The following THAP5 variants were observed in gnomAD, a reference collection of about 807,000 sequenced individuals.
The protein encoded by THAP5 is THAP domain-containing protein 5.
Under a neutral mutation model 34.0 loss-of-function variants are expected in THAP5, and 26 were observed. The observed-to-expected ratio is 0.77, with a 90% CI of 0.56 to 1.06. The LOEUF is 1.06. THAP5 is among the 50% of genes least tolerant of loss of function. The pLI, the probability that THAP5 is intolerant of heterozygous loss-of-function variation, is 0.00. For synonymous variants in THAP5, 125 were observed against 153.0 expected (o/e 0.82, Z 1.35); for missense variants, 394 against 452.8 (o/e 0.87, Z 1.18).
At position 108,563,953 on chromosome 7, in the gene THAP5, A is replaced by G. The variant is rs919097068; in HGVS notation, c.*238T>C. On this transcript the variant is annotated 3_prime_UTR_variant, in exon 3 of 3. Transcript: ENST00000415914. ...TCTCATGTTATAACTGAATCCTTCT[A>G]TGTGCTAAATTTTAATTTGGAAAAT... The G allele has an allele frequency of 2.8e-5, 10 of 352,500 alleles. No individual in the cohort carries two copies. Among genetic ancestry groups the G allele is most frequent in the Non-Finnish European group, 4.1e-5 (8 of 195,862 alleles). 21.8% of individuals were successfully genotyped at this position (352,500 alleles called of 1,614,324 possible). A position where few individuals can be genotyped will look rare whatever the true frequency, so the allele number is the denominator to read the frequency against.
At chr7:108,569,130 A>C (rs1790553287) in intron 1 of THAP5, 1 of 1,083,084 alleles carries the variant, frequency 9.2e-7, no homozygotes, top group Non-Finnish European at 1.1e-6. Context: ...CTTTGCGTGC[A>C]CCTTTCCACT....
chr7:108,557,889 A>G (rs899328649), downstream of THAP5, among the ~76,000 whole-genome samples: 16 of 152,198 alleles, frequency 1.1e-4, no homozygotes, highest in Non-Finnish European at 2.2e-4. Flanking sequence ...ATTTCTGAAG[A>G]AAAGAGGTTT....
At chr7:108,560,135 G>A (rs1287745982), downstream of THAP5, among the ~76,000 whole-genome samples, 1 of 152,156 alleles carries the variant, frequency 6.6e-6, no homozygotes, top group African/African-American at 2.4e-5. Context: ...GTCTTGTACA[G>A]TACTGCCTGG....
downstream of THAP5, among the ~76,000 whole-genome samples, chr7:108,559,981 C>T (rs1358774256): frequency 6.6e-6 from 1 of 152,184 alleles, no homozygotes; most frequent in Non-Finnish European, 1.5e-5. Context: ...TTTATTAAAA[C>T]TTTAAATATT....
rs1790443476 is a variant in THAP5, at chr7:108,564,639, GCTGA to G, written c.736_739del (p.Ser246HisfsTer18). 1 of 1,613,872 alleles carries G rather than the reference GCTGA, an allele frequency of 6.2e-7. No homozygotes were observed. Among genetic ancestry groups the G allele is most frequent in the South Asian group, 1.1e-5 (1 of 91,086 alleles). The stretch of plus-strand genomic sequence containing the variant: ...GCTGAATAAGAATGGATTTTCCTGT[GCTGA>G]CTTTATTTCCATGGAATTACTTGTA... On this transcript the variant is annotated frameshift_variant, in exon 3 of 3. Coordinates refer to ENST00000415914, the MANE Select transcript of THAP5 (RefSeq NM_001130475.3). LOFTEE classifies it high-confidence loss of function.
At chr7:108,548,314 T>G in the THAP5 span, among the ~76,000 whole-genome samples, 1 of 152,170 alleles carries the variant, frequency 6.6e-6, no homozygotes, top group African/African-American at 2.4e-5. Context: ...AGCTCTGACT[T>G]TGTACTAGGA....
the THAP5 span, among the ~76,000 whole-genome samples, chr7:108,545,766 C>A: frequency 6.6e-6 from 1 of 152,012 alleles, no homozygotes; most frequent in African/African-American, 2.4e-5. Flanking sequence ...CTATATATTG[C>A]AATTAAAAAT....
Position 108,569,644 on chromosome 7 carries a change from A to G in THAP5, c.-75T>C. The G allele has an allele frequency of 2.0e-6, 3 of 1,528,930 alleles. No homozygotes were observed. Among genetic ancestry groups the G allele is most frequent in the Non-Finnish European group, 2.6e-6 (3 of 1,134,304 alleles). 94.7% of individuals were successfully genotyped at this position (1,528,930 alleles called of 1,614,324 possible). A position where few individuals can be genotyped will look rare whatever the true frequency, so the allele number is the denominator to read the frequency against. ...GCCCTCCTCACTGAGGATGCGCCAC[A>G]GGTCCAGGCCTCTCGAGCCCCTGCG... On this transcript the variant is annotated 5_prime_UTR_variant, in exon 1 of 3. Coordinates refer to ENST00000415914, the MANE Select transcript of THAP5 (RefSeq NM_001130475.3).
At position 108,565,316 on chromosome 7, in the gene THAP5, T is replaced by C. The variant is rs1230976283; in HGVS notation, c.274-211A>G. On this transcript the variant is annotated intron_variant, in intron 2 of 2. Transcript: ENST00000415914. Reference sequence around the variant, plus strand: ...AAACATTTCAGATCATTCAAAAGACTAGTATATTGGGAGGCCAAGGCAGGC... The same window carrying C: ...AAACATTTCAGATCATTCAAAAGACCAGTATATTGGGAGGCCAAGGCAGGC... 12 of 390,908 alleles carry C rather than the reference T, an allele frequency of 3.1e-5. No individual in the cohort carries two copies. In the Admixed American group the frequency reaches 5.0e-4, roughly 16 times the overall value. 24.2% of individuals were successfully genotyped at this position (390,908 alleles called of 1,614,324 possible). A position where few individuals can be genotyped will look rare whatever the true frequency, so the allele number is the denominator to read the frequency against.
At chr7:108,546,100 A>G in the THAP5 span, among the ~76,000 whole-genome samples, 1 of 152,218 alleles carries the variant, frequency 6.6e-6, no homozygotes, top group Non-Finnish European at 1.5e-5. Context: ...CATTTACTAA[A>G]TAGTACTTAT....
chr7:108,552,079 C>T (rs1864356876), downstream of THAP5, among the ~76,000 whole-genome samples: 1 of 152,112 alleles, frequency 6.6e-6, no homozygotes, highest in Non-Finnish European at 1.5e-5. Flanking sequence ...GGTTGGAGCT[C>T]ACCATTCAGT....
chr7:108,548,812 C>T, the THAP5 span, among the ~76,000 whole-genome samples: 6 of 152,108 alleles, frequency 3.9e-5, no homozygotes, highest in Non-Finnish European at 5.9e-5. Context: ...CCACTGGTCC[C>T]ACCCAGGACA....
In THAP5 at chr7:108,564,515, A is replaced by T. The variant is rs367769719; in HGVS notation, c.864T>A (p.Phe288Leu). ...CCGTGGTTTCTTTTTGTGCAGATAT[A>T]AAAGAATTAACTGAGGGTTTAGAAT... ...AENSKPSVNS[F>L]ISAQKETTEM... Residue 288 changes from phenylalanine (F) to leucine (L), a missense_variant, in exon 3 of 3, where the codon TTT (phenylalanine) becomes TTA (leucine). By Grantham distance (22) the Phe-to-Leu change is conservative. Transcript: ENST00000415914. The T allele has an allele frequency of 1.2e-5, 19 of 1,613,800 alleles. No individual in the cohort carries two copies. Among genetic ancestry groups the T allele is most frequent in the Non-Finnish European group, 1.4e-5 (17 of 1,179,932 alleles).
chr7:108,557,240 T>C (rs544955804), downstream of THAP5, among the ~76,000 whole-genome samples: 4 of 152,350 alleles, frequency 2.6e-5, no homozygotes, highest in South Asian at 8.3e-4. Context: ...CTATTAGCAT[T>C]TGGTTCTTCT....
chr7:108,559,167 A>G (rs922601699), downstream of THAP5, among the ~76,000 whole-genome samples: 2 of 152,244 alleles, frequency 1.3e-5, no homozygotes, highest in African/African-American at 4.8e-5. Flanking sequence ...TACTGCATAG[A>G]TACATGAGAT....
chr7:108,546,784 G>A, the THAP5 span, among the ~76,000 whole-genome samples: 2 of 152,158 alleles, frequency 1.3e-5, no homozygotes, highest in African/African-American at 2.4e-5. Flanking sequence ...TTTGTTTACA[G>A]TACTCTTCAG....
At chr7:108,567,641 G>C (rs1599014319) in intron 1 of THAP5, among the ~76,000 whole-genome samples, 1 of 152,062 alleles carries the variant, frequency 6.6e-6, no homozygotes, top group South Asian at 2.1e-4. Context: ...TCCCCAAAAG[G>C]CATAAGATAA....
At chr7:108,553,768 A>G (rs1252564403), downstream of THAP5, among the ~76,000 whole-genome samples, 1 of 152,162 alleles carries the variant, frequency 6.6e-6, no homozygotes, top group African/African-American at 2.4e-5. Context: ...ACAAGAGGGC[A>G]TATTTCCCAA....
downstream of THAP5, among the ~76,000 whole-genome samples, chr7:108,554,219 C>T (rs554135587): frequency 7.9e-5 from 12 of 152,292 alleles, no homozygotes; most frequent in Admixed American, 6.5e-4. Context: ...ATTACCCAGT[C>T]TCAGGTATTT....
Sources: gnomAD v4.1 joint callset for allele counts (sites outside exome capture counted in the v4.1 genomes callset) on GRCh38, gnomAD v4.1.1 for gene constraint, MANE v1.5 for transcripts, NCBI Gene and HGNC (gene_info 2026-07-23, HGNC 2026-07-21) for gene names.